The following ARL15 variants were observed in gnomAD, a reference collection of about 807,000 sequenced individuals.
ARL15 encodes the protein ARF like GTPase 15, also known as ADP-ribosylation factor-like protein 15.
ARL15 carries 19 observed loss-of-function variants against 25.2 expected under a neutral mutation model. That is an observed-to-expected ratio of 0.75 (90% confidence interval 0.53 to 1.10). ARL15 has a LOEUF of 1.10. Among genes scored for constraint, ARL15 ranks in the 50% least tolerant of loss-of-function variants. The pLI is 0.00. For synonymous variants in ARL15, 94 were observed against 86.8 expected (o/e 1.08, Z -0.46); for missense variants, 220 against 246.0 (o/e 0.89, Z 0.71).
intron 2 of ARL15, among the ~76,000 whole-genome samples, chr5:54,166,307 A>G (rs1754564709): frequency 6.6e-6 from 1 of 151,848 alleles, no homozygotes; most frequent in Non-Finnish European, 1.5e-5. Flanking sequence ...CAATCCTCCT[A>G]CTTCTGCCTC....
intron 4 of ARL15, among the ~76,000 whole-genome samples, chr5:53,915,888 C>G (rs1276879593): frequency 6.6e-6 from 1 of 152,120 alleles, no homozygotes; most frequent in Non-Finnish European, 1.5e-5. Flanking sequence ...AGTGATTCGC[C>G]TCTTGGTTCC....
chr5:54,271,347 T>C (rs1008312870), intron 1 of ARL15, among the ~76,000 whole-genome samples: 2 of 151,312 alleles, frequency 1.3e-5, no homozygotes, highest in South Asian at 4.2e-4. Context: ...AATCCACAGA[T>C]TCTCAAATCT....
At chr5:53,921,633 GT>G (rs1745863735) in intron 4 of ARL15, among the ~76,000 whole-genome samples, 1 of 152,156 alleles carries the variant, frequency 6.6e-6, no homozygotes, top group Non-Finnish European at 1.5e-5. Context: ...TTAGCTGGGT[GT>G]GGTGGAGTGC....
chr5:54,029,360 C>CACCACCACCACCACCACT (rs1216747067), intron 4 of ARL15, among the ~76,000 whole-genome samples: 1 of 138,158 alleles, frequency 7.2e-6, no homozygotes, highest in African/African-American at 2.7e-5. Context: ...CCACCACCAC[C>CACCACCACCACCACCACT]ACCACCACCA....
intron 3 of ARL15, among the ~76,000 whole-genome samples, chr5:54,135,535 C>A (rs1177965554): frequency 6.6e-6 from 1 of 152,158 alleles, no homozygotes; most frequent in East Asian, 1.9e-4. Context: ...GGGAGCTGTA[C>A]TATTTGTTAG....
intron 4 of ARL15, among the ~76,000 whole-genome samples, chr5:54,056,981 TA>T (rs1411523520): frequency 6.6e-6 from 1 of 151,612 alleles, no homozygotes; most frequent in African/African-American, 2.4e-5. Flanking sequence ...TACATGAACA[TA>T]CACATACGAA....
intron 4 of ARL15, among the ~76,000 whole-genome samples, chr5:54,082,107 A>AGGGGGGAGGGAG (rs1554039046): frequency 3.0e-5 from 4 of 135,578 alleles, no homozygotes; most frequent in Admixed American, 7.5e-5. Context: ...AAAGAAGGAA[A>AGGGGGGAGGGAG]GGAGGGAGGG....
intron 1 of ARL15, among the ~76,000 whole-genome samples, chr5:54,209,623 C>T (rs1006952439): frequency 2.0e-5 from 3 of 151,976 alleles, no homozygotes; most frequent in African/African-American, 7.2e-5. Flanking sequence ...CTGTATTTTA[C>T]AGCACAAGTA....
At chr5:54,047,115 AAGTC>A (rs1429216471) in intron 4 of ARL15, among the ~76,000 whole-genome samples, 1 of 152,186 alleles carries the variant, frequency 6.6e-6, no homozygotes, top group Admixed American at 6.5e-5. Context: ...ATGGCTCACA[AAGTC>A]AGTGCTCTTG....
In ARL15 at chr5:54,113,452, C is replaced by G. The variant is rs868218532; in HGVS notation, c.254-42G>C. 1.2e-5 allele frequency: 19 copies of G among 1,578,958 alleles called. No homozygotes were observed. In the Middle Eastern group the frequency reaches 1.9e-3, roughly 155 times the overall value. ...AAATTTTCGTTTTAAAAAGAGCTTTCAGCAACTGAAAAATGTTCCCAACAG... is the reference window on the plus strand; with the variant it reads ...AAATTTTCGTTTTAAAAAGAGCTTTGAGCAACTGAAAAATGTTCCCAACAG... On this transcript the variant is annotated intron_variant, in intron 3 of 4. Transcript: ENST00000504924.
At chr5:54,039,640 A>G (rs1750272409) in intron 4 of ARL15, among the ~76,000 whole-genome samples, 1 of 151,836 alleles carries the variant, frequency 6.6e-6, no homozygotes, top group African/African-American at 2.4e-5. Flanking sequence ...TTCTCTACTA[A>G]AAAACTACAA....
intron 4 of ARL15, among the ~76,000 whole-genome samples, chr5:53,999,008 A>G (rs142585534): frequency 1.3e-5 from 2 of 152,314 alleles, no homozygotes; most frequent in African/African-American, 2.4e-5. Context: ...CATTAAGCAC[A>G]CTCAGAGTAA....
At chr5:54,274,272 C>A (rs1372240186) in intron 1 of ARL15, among the ~76,000 whole-genome samples, 1 of 152,134 alleles carries the variant, frequency 6.6e-6, no homozygotes, top group Non-Finnish European at 1.5e-5. Flanking sequence ...GCTGGACTCA[C>A]AAAGGCATGT....
intron 1 of ARL15, among the ~76,000 whole-genome samples, chr5:54,266,860 C>G (rs1757637806): frequency 6.6e-6 from 1 of 152,136 alleles, no homozygotes; most frequent in South Asian, 2.1e-4. Context: ...CCAAAAAAAG[C>G]AAGCTTCTTG....
At chr5:53,887,294 G>A (rs1293504457) in intron 4 of ARL15, 5 of 679,322 alleles carry the variant, frequency 7.4e-6, no homozygotes, top group African/African-American at 5.4e-5. Context: ...CTGCATGTAT[G>A]TATGTTTGTA....
chr5:54,013,125 A>G (rs183137115), intron 4 of ARL15, among the ~76,000 whole-genome samples: 7 of 152,254 alleles, frequency 4.6e-5, no homozygotes, highest in Non-Finnish European at 7.4e-5. Context: ...ACTTTCTTTT[A>G]TTCAATTTTA....
chr5:54,081,985 G>A (rs1751812919), intron 4 of ARL15, among the ~76,000 whole-genome samples: 1 of 151,776 alleles, frequency 6.6e-6, no homozygotes, highest in African/African-American at 2.4e-5. Context: ...CAGCTACTCG[G>A]GAGGCTAAGG....
chr5:54,276,476 G>T (rs951024802), intron 1 of ARL15, among the ~76,000 whole-genome samples: 1 of 152,156 alleles, frequency 6.6e-6, no homozygotes, highest in Non-Finnish European at 1.5e-5. Context: ...CCAGCATTAG[G>T]ACTAGGCTAC....
intron 4 of ARL15, among the ~76,000 whole-genome samples, chr5:54,108,360 G>A (rs13181328): frequency 0.014 from 2,126 of 152,162 alleles, 31 homozygotes; most frequent in Middle Eastern, 0.041. Flanking sequence ...GAATTTTCAA[G>A]CTGCTCACAC....
Sources: gnomAD v4.1 joint callset for allele counts (sites outside exome capture counted in the v4.1 genomes callset) on GRCh38, gnomAD v4.1.1 for gene constraint, MANE v1.5 for transcripts, NCBI Gene and HGNC (gene_info 2026-07-23, HGNC 2026-07-21) for gene names.